CDH4: variants seen among roughly 807,000 people sequenced by gnomAD.
CDH4 encodes the protein cadherin 4.
A neutral mutation model predicts 86.0 loss-of-function variants in CDH4; 33 were observed. The ratio of observed to expected loss-of-function variants is 0.38; its 90% CI spans 0.29 to 0.51. The LOEUF is 0.51. CDH4 is among the 20% of genes least tolerant of loss of function. The probability of loss-of-function intolerance (pLI) is 0.86; values close to 1 mark genes in which losing one functional copy is unlikely to be tolerated. For synonymous variants in CDH4, 555 were observed against 549.4 expected, an observed-to-expected ratio of 1.01 and a Z score of -0.14; for missense variants, 1,114 against 1,307.4, an observed-to-expected ratio of 0.85 and a Z score of 2.28.
intron 2 of CDH4, among the ~76,000 whole-genome samples, chr20:61,507,078 C>G (rs924041589): frequency 1.3e-5 from 2 of 152,172 alleles, no homozygotes; most frequent in Admixed American, 1.3e-4. Flanking sequence ...TTTTGTTTTC[C>G]TAAATGAGTT....
chr20:61,442,683 C>T (rs2085320800), intron 2 of CDH4, among the ~76,000 whole-genome samples: 2 of 152,210 alleles, frequency 1.3e-5, no homozygotes. Flanking sequence ...TCAGTGACTT[C>T]CAGAGACAGG....
intron 2 of CDH4, among the ~76,000 whole-genome samples, chr20:61,641,387 C>T (rs1160368392): frequency 2.0e-5 from 3 of 151,704 alleles, no homozygotes; most frequent in Non-Finnish European, 4.4e-5. Context: ...CAGCTCCCCA[C>T]AGCCCACCGG....
chr20:61,298,786 G>T (rs2084370746), intron 2 of CDH4, among the ~76,000 whole-genome samples: 1 of 144,772 alleles, frequency 6.9e-6, no homozygotes, highest in South Asian at 2.3e-4. Context: ...GCTGCGAAGG[G>T]GTCTGAAATG....
At chr20:61,406,908 T>C (rs573428755) in intron 2 of CDH4, among the ~76,000 whole-genome samples, 5 of 147,882 alleles carry the variant, frequency 3.4e-5, no homozygotes, top group East Asian at 2.0e-4. Context: ...CACCATCTGC[T>C]CTGCCTGGAC....
In CDH4 at chr20:61,623,582, G is replaced by C. The variant is rs6089440; in HGVS notation, c.170-119981G>C. On this transcript the variant is annotated intron_variant, in intron 2 of 15. Coordinates refer to ENST00000614565, the MANE Select transcript of CDH4 (RefSeq NM_001794.5). The surrounding 1 kb of genome is among the most constrained non-coding windows in gnomAD (Gnocchi z 4.4). Reference sequence around the variant, plus strand: ...GCAGGGTCATCAAGAGCTAGACCCAGCGGCCGTGTTGTCTTTCCTCTACAT... The same window carrying C: ...GCAGGGTCATCAAGAGCTAGACCCACCGGCCGTGTTGTCTTTCCTCTACAT... 6.6e-6 allele frequency among the ~76,000 whole-genome samples: 1 copy of C among 152,176 alleles called. No individual in the cohort carries two copies. Among genetic ancestry groups the C allele is most frequent in the Non-Finnish European group, 1.5e-5 (1 of 68,030 alleles).
intron 2 of CDH4, among the ~76,000 whole-genome samples, chr20:61,530,668 T>C (rs2085945071): frequency 6.6e-6 from 1 of 152,082 alleles, no homozygotes; most frequent in South Asian, 2.1e-4. Context: ...AGAAAGGGGC[T>C]GTGTCAGAAG....
intron 2 of CDH4, among the ~76,000 whole-genome samples, chr20:61,674,865 G>A (rs1600862881): frequency 6.6e-6 from 1 of 152,180 alleles, no homozygotes; most frequent in African/African-American, 2.4e-5. Flanking sequence ...GCCAAGTCTG[G>A]CCCCCTGCCT....
At chr20:61,338,634 G>A (rs1257428127) in intron 2 of CDH4, among the ~76,000 whole-genome samples, 1 of 152,106 alleles carries the variant, frequency 6.6e-6, no homozygotes, top group Non-Finnish European at 1.5e-5. Context: ...AGACTAAGTT[G>A]CTCCCTGACT....
intron 7 of CDH4, among the ~76,000 whole-genome samples, chr20:61,886,539 GGCA>G: frequency 6.6e-6 from 1 of 152,242 alleles, no homozygotes; most frequent in Middle Eastern, 3.4e-3. Flanking sequence ...CATCCAGCAG[GGCA>G]CACCCAGCTG....
chr20:61,634,369 G>A (rs1001985321), intron 2 of CDH4, among the ~76,000 whole-genome samples: 5 of 152,160 alleles, frequency 3.3e-5, no homozygotes, highest in African/African-American at 9.7e-5. Context: ...CGTGGAGCTC[G>A]GGGTAGGTGC....
rs1292687044 is a variant in CDH4, at chr20:61,681,554, C to G, written c.170-62009C>G. 6.6e-6 allele frequency among the ~76,000 whole-genome samples: 1 copy of G among 152,192 alleles called. No individual in the cohort carries two copies. The highest frequency in any genetic ancestry group is 2.4e-5 in the African/African-American group (1 of 41,454). Reference sequence around the variant, plus strand: ...TTTAAGGAATCTGTTAGCTCCCGAACTCTTGTTCCAAGGGGTAGGAGAAAA... The same window carrying G: ...TTTAAGGAATCTGTTAGCTCCCGAAGTCTTGTTCCAAGGGGTAGGAGAAAA... On this transcript the variant is annotated intron_variant, in intron 2 of 15. Transcript: ENST00000614565. The surrounding 1 kb of genome is among the most constrained non-coding windows in gnomAD (Gnocchi z 4.5).
At chr20:61,258,349 A>AAAAG (rs1568770426) in intron 2 of CDH4, among the ~76,000 whole-genome samples, 3 of 150,306 alleles carry the variant, frequency 2.0e-5, no homozygotes, top group Non-Finnish European at 4.4e-5. Context: ...AAAAAAAGAA[A>AAAAG]AAAAAAAAAG....
intron 2 of CDH4, among the ~76,000 whole-genome samples, chr20:61,299,783 A>G (rs910311198): frequency 3.3e-5 from 5 of 152,198 alleles, no homozygotes; most frequent in Non-Finnish European, 5.9e-5. Context: ...ACCGTCATCC[A>G]GATGCAGATG....
At chr20:61,630,982 G>A (rs1051912057) in intron 2 of CDH4, among the ~76,000 whole-genome samples, 1 of 152,228 alleles carries the variant, frequency 6.6e-6, no homozygotes, top group South Asian at 2.1e-4. Context: ...TAGGAGGTGG[G>A]CGTGCCCCAG....
chr20:61,340,052 T>C (rs1330196628), intron 2 of CDH4, among the ~76,000 whole-genome samples: 1 of 152,230 alleles, frequency 6.6e-6, no homozygotes, highest in Non-Finnish European at 1.5e-5. Context: ...GAAAGCCTCT[T>C]TGACATAATT....
At position 61,544,144 on chromosome 20, in the gene CDH4, A is replaced by T. The variant is rs2086059671; in HGVS notation, c.170-199419A>T. ...GCACTACACTGTGTGGTCCGGTCCC[A>T]CGGCCATGTGGTCTCTTTAGATCTG... On this transcript the variant is annotated intron_variant, in intron 2 of 15. Transcript: ENST00000614565. The surrounding 1 kb of genome is among the most constrained non-coding windows in gnomAD (Gnocchi z 6.5). 1.3e-5 allele frequency among the ~76,000 whole-genome samples: 2 copies of T among 152,140 alleles called. No homozygotes were observed. The highest frequency in any genetic ancestry group is 1.5e-5 in the Non-Finnish European group (1 of 68,018).
At chr20:61,531,080 G>A (rs1023602304) in intron 2 of CDH4, among the ~76,000 whole-genome samples, 1 of 115,312 alleles carries the variant, frequency 8.7e-6, no homozygotes, top group African/African-American at 3.5e-5. Flanking sequence ...AGGGAAATTC[G>A]GTACACAGGC....
chr20:61,540,660 CA>C (rs1441142367), intron 2 of CDH4, among the ~76,000 whole-genome samples: 2 of 152,112 alleles, frequency 1.3e-5, no homozygotes, highest in Non-Finnish European at 2.9e-5. Flanking sequence ...GGTGACGATT[CA>C]AAATAATGTC....
chr20:61,631,752 G>A (rs1218610722), intron 2 of CDH4, among the ~76,000 whole-genome samples: 1 of 152,234 alleles, frequency 6.6e-6, no homozygotes, highest in Non-Finnish European at 1.5e-5. Context: ...CTCTTGGCTG[G>A]CTTCTGCCAT....
Sources: gnomAD v4.1 joint callset for allele counts (sites outside exome capture counted in the v4.1 genomes callset) on GRCh38, gnomAD v4.1.1 for gene constraint, Gnocchi (gnomAD v3.1) non-coding constraint, MANE v1.5 for transcripts, NCBI Gene and HGNC (gene_info 2026-07-23, HGNC 2026-07-21) for gene names.